RAPGEF5: variants seen among roughly 807,000 people sequenced by gnomAD.
RAPGEF5 encodes M-Ras-regulated GEF.
In RAPGEF5, 65 loss-of-function variants were observed where a neutral mutation model predicts 125.2. The ratio of observed to expected loss-of-function variants is 0.52; its 90% CI spans 0.43 to 0.64. The LOEUF is 0.64. Ranked by LOEUF, RAPGEF5 falls within the 30% of genes least tolerant of loss-of-function variation. The probability of loss-of-function intolerance (pLI) is 0.00; values close to 1 mark genes in which losing one functional copy is unlikely to be tolerated. For synonymous variants in RAPGEF5, 391 were observed against 385.9 expected (o/e 1.01, Z -0.16); for missense variants, 958 against 1,048.1 (o/e 0.91, Z 1.19).
intron 11 of RAPGEF5, among the ~76,000 whole-genome samples, chr7:22,168,010 T>C (rs1025591041): frequency 2.2e-4 from 33 of 152,228 alleles, no homozygotes; most frequent in Non-Finnish European, 3.2e-4. Flanking sequence ...CATTTTACAA[T>C]ATGATTTAAT....
At chr7:22,348,590 C>T (rs1784268634) in intron 1 of RAPGEF5, among the ~76,000 whole-genome samples, 1 of 152,168 alleles carries the variant, frequency 6.6e-6, no homozygotes, top group Admixed American at 6.5e-5. Context: ...CATCCCAAAC[C>T]TTCATGTTTC....
chr7:22,158,026 C>G (rs1473065626), intron 14 of RAPGEF5, 141 bp from the exon 15 acceptor site: 2 of 723,464 alleles, frequency 2.8e-6, no homozygotes, highest in South Asian at 3.7e-5. Context: ...CATTAATTCA[C>G]TATGTACAAC....
chr7:22,288,399 A>G (rs976505305), intron 6 of RAPGEF5, among the ~76,000 whole-genome samples: 1 of 152,194 alleles, frequency 6.6e-6, no homozygotes, highest in South Asian at 2.1e-4. Flanking sequence ...ACCTTACTGC[A>G]TAATTTACTC....
intron 4 of RAPGEF5, among the ~76,000 whole-genome samples, chr7:22,308,975 G>A (rs546925589): frequency 7.2e-5 from 11 of 152,234 alleles, no homozygotes; most frequent in South Asian, 6.2e-4. Context: ...TGGGGGCAGA[G>A]CGCTACTAGT....
chr7:22,282,913 T>C (rs1782707169), intron 6 of RAPGEF5, among the ~76,000 whole-genome samples: 1 of 152,128 alleles, frequency 6.6e-6, no homozygotes, highest in Non-Finnish European at 1.5e-5. Context: ...ATCTGTGTAA[T>C]GGAATACTAT....
intron 19 of RAPGEF5, among the ~76,000 whole-genome samples, chr7:22,145,501 T>C (rs903948982): frequency 8.5e-5 from 13 of 152,214 alleles, no homozygotes; most frequent in African/African-American, 2.7e-4. Context: ...GTTTAAATCA[T>C]AGGATAAAAG....
At chr7:22,333,997 G>A (rs866172123) in intron 1 of RAPGEF5, among the ~76,000 whole-genome samples, 8 of 148,178 alleles carry the variant, frequency 5.4e-5, no homozygotes, top group East Asian at 2.1e-4. Context: ...GCATGGGAGC[G>A]GCTGGCTCAA....
chr7:22,266,301 G>A (rs895659441), intron 7 of RAPGEF5, among the ~76,000 whole-genome samples: 2 of 152,042 alleles, frequency 1.3e-5, no homozygotes, highest in East Asian at 3.8e-4. Context: ...CCGCAGCAAA[G>A]GATGCCTCCT....
At chr7:22,152,095 G>C (rs569611960) in intron 17 of RAPGEF5, among the ~76,000 whole-genome samples, 2 of 152,192 alleles carry the variant, frequency 1.3e-5, no homozygotes, top group Non-Finnish European at 2.9e-5. Flanking sequence ...ATTGGGAAAT[G>C]CAATATTCCA....
At chr7:22,327,743 A>C (rs750048182) in intron 1 of RAPGEF5, among the ~76,000 whole-genome samples, 1 of 152,226 alleles carries the variant, frequency 6.6e-6, no homozygotes, top group Admixed American at 6.5e-5. Context: ...TGTTGTAAAA[A>C]CTAAATGACT....
intron 7 of RAPGEF5, among the ~76,000 whole-genome samples, chr7:22,234,286 AGGAG>A (rs1562774818): frequency 6.6e-6 from 1 of 152,162 alleles, no homozygotes; most frequent in Non-Finnish European, 1.5e-5. Context: ...TGGTGGGAAA[AGGAG>A]GAAGGAGTTA....
intron 25 of RAPGEF5, among the ~76,000 whole-genome samples, chr7:22,124,729 G>A (rs958088811): frequency 6.6e-6 from 1 of 152,134 alleles, no homozygotes; most frequent in African/African-American, 2.4e-5. Context: ...GGTTGCCTTT[G>A]ATTAATTTAT....
intron 21 of RAPGEF5, 164 bp downstream of exon 21, chr7:22,139,861 C>G: frequency 1.7e-6 from 1 of 596,306 alleles, no homozygotes; most frequent in African/African-American, 1.9e-5. Flanking sequence ...CTAGTTCAGA[C>G]ACATTATACA....
chr7:22,276,373 C>T (rs757543162), intron 6 of RAPGEF5, among the ~76,000 whole-genome samples: 10 of 152,076 alleles, frequency 6.6e-5, no homozygotes, highest in Non-Finnish European at 1.2e-4. Flanking sequence ...TTCTATGTTA[C>T]ACACCATTCC....
At chr7:22,306,796 T>C (rs1783352975) in intron 5 of RAPGEF5, among the ~76,000 whole-genome samples, 1 of 152,214 alleles carries the variant, frequency 6.6e-6, no homozygotes, top group African/African-American at 2.4e-5. Context: ...CCCAGCACCA[T>C]TTATTAAAGA....
At chr7:22,258,459 A>C (rs1782058407) in intron 7 of RAPGEF5, among the ~76,000 whole-genome samples, 1 of 151,966 alleles carries the variant, frequency 6.6e-6, no homozygotes, top group Admixed American at 6.6e-5. Context: ...TGTCTCTACT[A>C]AAAATACAAA....
chr7:22,356,629 T>TAGATCTC (rs1784425122), intron 1 of RAPGEF5: 2 of 57,430 alleles, frequency 3.5e-5, no homozygotes, highest in South Asian at 1.7e-3. Flanking sequence ...GGGGGAGGTG[T>TAGATCTC]GGGGGCGGGG....
intron 11 of RAPGEF5, among the ~76,000 whole-genome samples, chr7:22,173,718 T>C (rs1449983492): frequency 1.3e-5 from 2 of 152,216 alleles, no homozygotes; most frequent in Non-Finnish European, 2.9e-5. Context: ...CTTTTAAAAA[T>C]GTTACTTGGA....
intron 23 of RAPGEF5, among the ~76,000 whole-genome samples, chr7:22,131,940 T>A (rs774406509): frequency 6.6e-6 from 1 of 152,124 alleles, no homozygotes; most frequent in Non-Finnish European, 1.5e-5. Context: ...GATCAGAGGG[T>A]GGATGACAGC....
Sources: allele counts gnomAD v4.1 joint callset (sites outside exome capture counted in the v4.1 genomes callset), GRCh38; gene constraint gnomAD v4.1.1; transcripts MANE v1.5; gene names NCBI Gene and HGNC (gene_info 2026-07-23, HGNC 2026-07-21).